DMBT1: variants seen among roughly 807,000 people sequenced by gnomAD.
DMBT1 encodes the protein scavenger receptor cysteine-rich domain-containing protein DMBT1.
In DMBT1, 198 loss-of-function variants were observed where a neutral mutation model predicts 252.9. The ratio of observed to expected loss-of-function variants is 0.78; its 90% confidence interval spans 0.70 to 0.88. DMBT1 has a LOEUF of 0.88. DMBT1 is among the 40% of genes least tolerant of loss of function. The pLI is 0.00. For missense variants in DMBT1, 2,432 were observed against 2,404.7 expected (o/e 1.01, Z -0.24); for synonymous variants, 990 against 942.7 (o/e 1.05, Z -0.92).
chr10:122,585,300 T>A lies in DMBT1; in HGVS notation c.1450T>A (p.Ser484Thr). ...DTLPTITLPA[S>T]TVGSESSLAL... ...GTTGCCGACCATCACCTTACCTGCA[T>A]CGACAGTAGGTAAATAATCCTCTCG... The change falls in exon 15 of 56, where the codon TCG (serine) becomes ACG (threonine). Residue 484 changes from serine to threonine, a missense_variant. This residue lies in a region of DMBT1 where 1,264 missense variants were observed against 1,082.2 expected (regional missense o/e 1.17). Coordinates refer to ENST00000338354, the MANE Select transcript of DMBT1 (RefSeq NM_001377530.1). The A allele has an allele frequency of 6.3e-7, 1 of 1,586,820 alleles. No individual in the cohort carries two copies. Among genetic ancestry groups the A allele is most frequent in the Non-Finnish European group, 8.6e-7 (1 of 1,164,478 alleles).
intron 7 of DMBT1, 106 bp downstream of exon 7, chr10:122,576,828 AC>A: frequency 7.0e-7 from 1 of 1,421,954 alleles, no homozygotes; most frequent in Non-Finnish European, 9.8e-7. Flanking sequence ...GGCGTTCAAG[AC>A]CAGCTCTAGG....
rs377553788 is a variant in DMBT1 at position 122,570,210 on chromosome 10, G to T, written c.139+1G>T. 7 of 1,583,742 alleles carry T rather than the reference G, an allele frequency of 4.4e-6. No homozygotes were observed. The East Asian group carries it at 1.1e-4, about 25-fold the overall frequency. ...CCCTTGGATCCAACTGTAGCAGAAGGTAAGGTCTATTATGGGGGAACCCTG... is the reference window on the plus strand; with the variant it reads ...CCCTTGGATCCAACTGTAGCAGAAGTTAAGGTCTATTATGGGGGAACCCTG... On this transcript the variant is annotated splice_donor_variant, in intron 3 of 55. Transcript: ENST00000338354. LOFTEE classifies it high-confidence loss of function.
intron 6 of DMBT1, among the ~76,000 whole-genome samples, chr10:122,574,365 TC>T (rs1565594473): frequency 6.6e-6 from 1 of 152,144 alleles, no homozygotes; most frequent in Admixed American, 6.5e-5. Flanking sequence ...ACTTCCCATT[TC>T]CCATGGGAAA....
Position 122,632,873 on chromosome 10 carries a change from A to G in DMBT1, c.6380A>G (p.Asn2127Ser). 1 of 1,613,830 alleles carries G rather than the reference A, an allele frequency of 6.2e-7. No individual in the cohort carries two copies. The highest frequency in any genetic ancestry group is 1.3e-5 in the African/African-American group (1 of 75,008). The change falls in exon 51 of 56, where the codon AAC becomes AGC. Residue 2127 changes from asparagine (N) to serine (S), a missense_variant. Physicochemically the swap from Asn to Ser is conservative, Grantham distance 46. Around this residue, in one of 3 missense-constraint regions of DMBT1, gnomAD observed 1,162 missense variants for 1,169.0 expected, o/e 0.99. Transcript: ENST00000338354. ...TTTTTGTCAACAGCTCCTTTTCTCA[A>G]CATCACCCGTCCAAACAGTAAGTTC... ...NHLSTPAPFLNITRPNTDYSC... is the reference protein window; with the variant it reads ...NHLSTPAPFLSITRPNTDYSC...
At chr10:122,617,141 G>A (rs1473027419) in intron 39 of DMBT1, 87 bp from the exon 40 acceptor site, 1 of 1,427,730 alleles carries the variant, frequency 7.0e-7, no homozygotes, top group African/African-American at 1.4e-5. Flanking sequence ...TTGTTGCCAG[G>A]TTGATTCCCC....
intron 6 of DMBT1, among the ~76,000 whole-genome samples, chr10:122,575,160 C>G (rs940389830): frequency 1.3e-5 from 2 of 152,194 alleles, no homozygotes. Context: ...CAAGTATGCC[C>G]TCCATCTCCA....
In DMBT1 at chr10:122,586,295, G is replaced by C; in HGVS notation, c.1695G>C (p.Gly565=). Reference sequence around the variant, plus strand: ...TCCTGGATGACGTGCGCTGCTCAGGGAATGAGTCCTACTTGTGGAGCTGCC... The same window carrying C: ...TCCTGGATGACGTGCGCTGCTCAGGCAATGAGTCCTACTTGTGGAGCTGCC... ...PIVLDDVRCS[G]NESYLWSCPH... is the part of the protein sequence containing the mutation. The change falls in exon 16 of 56, where the codon GGG becomes GGC. Residue 565 remains glycine, a synonymous_variant. Transcript: ENST00000338354. 1.3e-6 allele frequency: 2 copies of C among 1,588,682 alleles called. No individual in the cohort carries two copies. Among genetic ancestry groups the C allele is most frequent in the Non-Finnish European group, 1.7e-6 (2 of 1,165,866 alleles).
chr10:122,623,897 G>C (rs2098094207), intron 44 of DMBT1, among the ~76,000 whole-genome samples: 1 of 152,156 alleles, frequency 6.6e-6, no homozygotes, highest in Admixed American at 6.5e-5. Context: ...TCCATTCTCA[G>C]GCATAGGCAC....
chr10:122,566,779 C>T (rs2097597751), intron 2 of DMBT1, among the ~76,000 whole-genome samples: 1 of 152,186 alleles, frequency 6.6e-6, no homozygotes, highest in South Asian at 2.1e-4. Context: ...AACTAATGCA[C>T]ATAGTGAGTG....
In DMBT1 at chr10:122,565,969, G is replaced by T. The variant is rs531995285; in HGVS notation, c.64G>T (p.Gly22Trp). The T allele has an allele frequency of 1.2e-6, 2 of 1,613,908 alleles. No homozygotes were observed. The highest frequency in any genetic ancestry group is 2.2e-5 in the South Asian group (2 of 91,068). The change falls in exon 2 of 56, where the codon GGG becomes TGG. Residue 22 changes from glycine (G) to tryptophan (W), a missense_variant and splice_region_variant. By Grantham distance (184) the Gly-to-Trp change is radical. Coordinates refer to ENST00000338354, the MANE Select transcript of DMBT1 (RefSeq NM_001377530.1). Reference sequence around the variant, plus strand: ...AGACGAATTTGTGTTCTTTCCAGGTGGGTGGATCCCAAGGACTACAGACTA... The same window carrying T: ...AGACGAATTTGTGTTCTTTCCAGGTTGGTGGATCCCAAGGACTACAGACTA... Reference protein sequence around the residue: ...LLWGQVLSTGGWIPRTTDYAS... With the variant: ...LLWGQVLSTGWWIPRTTDYAS...
chr10:122,628,623 C>A (rs777592463), intron 46 of DMBT1, among the ~76,000 whole-genome samples: 1 of 151,748 alleles, frequency 6.6e-6, no homozygotes, highest in African/African-American at 2.4e-5. Flanking sequence ...GTGACAAGAG[C>A]GAAACTCCAT....
intron 52 of DMBT1, among the ~76,000 whole-genome samples, chr10:122,633,899 C>A (rs559617573): frequency 6.9e-4 from 105 of 152,156 alleles, no homozygotes; most frequent in Non-Finnish European, 1.2e-3. Context: ...TTTGGGAGGC[C>A]GAGGCAGGAG....
intron 5 of DMBT1, among the ~76,000 whole-genome samples, chr10:122,573,373 A>G (rs1985771): frequency 0.69 from 104,538 of 152,140 alleles, 36,123 homozygotes; most frequent in East Asian, 0.78. Flanking sequence ...TTTGTCATTT[A>G]AGGGTGTGTT....
intron 49 of DMBT1, 39 bp downstream of exon 49, chr10:122,631,320 A>C (rs1340493332): frequency 3.7e-6 from 6 of 1,601,158 alleles, no homozygotes; most frequent in Non-Finnish European, 4.3e-6. Flanking sequence ...TTCACCTGTA[A>C]CTTGCTATAA....
chr10:122,579,545 G>T (rs1037267653), intron 9 of DMBT1, 33 bp from the exon 10 acceptor site: 3 of 1,612,180 alleles, frequency 1.9e-6, no homozygotes, highest in Non-Finnish European at 2.5e-6. Context: ...CTCATGATAG[G>T]GATGGATGAA....
intron 45 of DMBT1, among the ~76,000 whole-genome samples, chr10:122,625,717 G>A (rs906871133): frequency 3.3e-5 from 5 of 152,200 alleles, no homozygotes; most frequent in African/African-American, 4.8e-5. Context: ...TCCGCAAAGC[G>A]TTTTTGTGCC....
intron 7 of DMBT1, 142 bp downstream of exon 7, chr10:122,576,864 T>A: frequency 9.7e-7 from 1 of 1,035,130 alleles, no homozygotes; most frequent in Non-Finnish European, 1.4e-6. Flanking sequence ...CCATCTCTAT[T>A]AAAAAAAGAA....
At chr10:122,586,036 A>C in intron 15 of DMBT1, 24 bp from the exon 16 acceptor site, 1 of 1,587,866 alleles carries the variant, frequency 6.3e-7, no homozygotes, top group Non-Finnish European at 8.6e-7. Flanking sequence ...GGGATGGATG[A>C]AGGGTTCTTG....
chr10:122,617,379 TG>T, intron 40 of DMBT1, 119 bp downstream of exon 40: 2 of 1,293,696 alleles, frequency 1.5e-6, no homozygotes, highest in Non-Finnish European at 2.2e-6. Context: ...GTGGGTTGGG[TG>T]GGAGGAAGGT....
Sources: gnomAD v4.1 joint callset for allele counts (sites outside exome capture counted in the v4.1 genomes callset) on GRCh38, gnomAD v4.1.1 for gene constraint, gnomAD v4.1.1 regional missense constraint, MANE v1.5 for transcripts, NCBI Gene and HGNC (gene_info 2026-07-23, HGNC 2026-07-21) for gene names.